Variants in RASGEF1C observed in about 807,000 individuals in gnomAD.
RASGEF1C encodes ras-GEF domain-containing family member 1C.
A neutral mutation model predicts 58.1 loss-of-function variants in RASGEF1C; 27 were observed. The ratio of observed to expected loss-of-function variants is 0.46; its 90% CI spans 0.34 to 0.64. RASGEF1C has a LOEUF of 0.64. Ranked by LOEUF, RASGEF1C falls within the 30% of genes least tolerant of loss-of-function variation. The pLI, the probability that RASGEF1C is intolerant of heterozygous loss-of-function variation, is 0.01. For missense variants in RASGEF1C, 502 were observed against 605.1 expected, an observed-to-expected ratio of 0.83 and a Z score of 1.79; for synonymous variants, 243 against 246.3, an observed-to-expected ratio of 0.99 and a Z score of 0.13.
chr5:180,169,749 C>T (rs1767073498), intron 1 of RASGEF1C, among the ~76,000 whole-genome samples: 1 of 152,114 alleles, frequency 6.6e-6, no homozygotes, highest in Non-Finnish European at 1.5e-5. Context: ...CCTGCCCTGG[C>T]CCTTCTCGTA....
In RASGEF1C at chr5:180,101,400, TAGTG is replaced by T. The variant is rs1399993825; in HGVS notation, c.*97_*100del. The T allele has an allele frequency of 3.0e-5, 41 of 1,368,572 alleles. No homozygotes were observed. Among genetic ancestry groups the T allele is most frequent in the African/African-American group, 4.4e-5 (3 of 67,974 alleles). 84.8% of individuals were successfully genotyped at this position (1,368,572 alleles called of 1,614,324 possible). On this transcript the variant is annotated 3_prime_UTR_variant, in exon 14 of 14. Transcript: ENST00000361132. ...GGCCACAGGGTCGGCATTTGCAAAA[TAGTG>T]AGGCACTCCCTGGCCTCTGCCCACT...
intron 1 of RASGEF1C, among the ~76,000 whole-genome samples, chr5:180,194,002 G>GTGTTTGTT (rs60364777): frequency 0.59 from 86,977 of 148,620 alleles, 25,845 homozygotes; most frequent in Admixed American, 0.67. Context: ...ATTCTGTATG[G>GTGTTTGTT]TGTTTGTTTG....
At chr5:180,114,589 C>G (rs547819125) in intron 10 of RASGEF1C, 48 bp from the exon 11 acceptor site, 30 of 1,556,946 alleles carry the variant, frequency 1.9e-5, no homozygotes, top group Admixed American at 7.1e-5. Context: ...CTCCACACAG[C>G]GGGCTCCAGG....
At chr5:180,146,177 C>G (rs1766658000) in intron 1 of RASGEF1C, among the ~76,000 whole-genome samples, 1 of 152,170 alleles carries the variant, frequency 6.6e-6, no homozygotes, top group South Asian at 2.1e-4. Flanking sequence ...GAGTCTGGCT[C>G]TGTCACCCAG....
At chr5:180,178,787 G>T (rs1194596790) in intron 1 of RASGEF1C, among the ~76,000 whole-genome samples, 2 of 152,238 alleles carry the variant, frequency 1.3e-5, no homozygotes, top group Non-Finnish European at 2.9e-5. Context: ...GAGACCCCGG[G>T]GCGTCACTTT....
chr5:180,206,697 A>T (rs1331126406), intron 1 of RASGEF1C, among the ~76,000 whole-genome samples: 2 of 152,230 alleles, frequency 1.3e-5, no homozygotes, highest in Non-Finnish European at 2.9e-5. Context: ...CATCCAGAGG[A>T]CATAATTTGA....
chr5:180,190,670 A>T (rs193177797), intron 1 of RASGEF1C, among the ~76,000 whole-genome samples: 19 of 151,514 alleles, frequency 1.3e-4, no homozygotes, highest in African/African-American at 4.6e-4. Context: ...CCTGTCTCAA[A>T]AATAATAATA....
intron 6 of RASGEF1C, among the ~76,000 whole-genome samples, chr5:180,122,416 G>C (rs1436435378): frequency 1.3e-5 from 2 of 152,198 alleles, no homozygotes; most frequent in Admixed American, 1.3e-4. Flanking sequence ...CCATTTAAAA[G>C]ATGAAACTTA....
At chr5:180,184,920 C>T (rs1169870664) in intron 1 of RASGEF1C, among the ~76,000 whole-genome samples, 3 of 152,256 alleles carry the variant, frequency 2.0e-5, no homozygotes, top group East Asian at 1.9e-4. Context: ...GATAGAACTG[C>T]GAGAATAAAC....
At position 180,136,384 on chromosome 5, in the gene RASGEF1C, A is replaced by G; in HGVS notation, c.432T>C (p.Cys144=). 1 of 1,555,968 alleles carries G rather than the reference A, an allele frequency of 6.4e-7. No homozygotes were observed. The highest frequency in any genetic ancestry group is 1.2e-5 in the South Asian group (1 of 84,440). The change falls in exon 4 of 14, where the codon TGT becomes TGC. Residue 144 remains cysteine (C), a synonymous_variant. Transcript: ENST00000361132. ...LKDVVGRIAP[C]DEAYRKRMHQ... ...CCCCCGCCCAGCTGCCCACCTCGTC[A>G]CAGGGGGCGATGCGGCCCACGACGT... is the stretch of plus-strand genomic sequence containing the variant.
chr5:180,184,785 T>A (rs78488757), intron 1 of RASGEF1C, among the ~76,000 whole-genome samples: 3,497 of 152,216 alleles, frequency 0.023, 90 homozygotes, highest in East Asian at 0.12. Flanking sequence ...AGATTTCAGA[T>A]CAAATAATAG....
In RASGEF1C at chr5:180,118,232, G is replaced by A. The variant is rs565581493; in HGVS notation, c.1083+377C>T. 7.2e-5 allele frequency among the ~76,000 whole-genome samples: 11 copies of A among 152,280 alleles called. No homozygotes were observed. The East Asian group carries it at 1.7e-3, about 24-fold the overall frequency. On this transcript the variant is annotated intron_variant, in intron 10 of 13. Transcript: ENST00000361132. ...ACCAAAGGGCCCCAAGTGGGGAGGA[G>A]CCTGGAAACTGTAGTGTGGCAGGGC...
chr5:180,116,263 C>T (rs1466975250), intron 10 of RASGEF1C, among the ~76,000 whole-genome samples: 1 of 152,158 alleles, frequency 6.6e-6, no homozygotes, highest in Non-Finnish European at 1.5e-5. Flanking sequence ...CAGCCCCGGT[C>T]AGCTTGGAGG....
At chr5:180,208,274 C>G (rs1368180039) in intron 1 of RASGEF1C, among the ~76,000 whole-genome samples, 2 of 152,104 alleles carry the variant, frequency 1.3e-5, no homozygotes, top group Non-Finnish European at 2.9e-5. Context: ...TCCCACAGCC[C>G]CAGGAGGCAG....
chr5:180,144,100 A>G (rs1408883904), intron 1 of RASGEF1C, among the ~76,000 whole-genome samples: 1 of 152,224 alleles, frequency 6.6e-6, no homozygotes. Flanking sequence ...AGGACCCCCA[A>G]GGCCAGCACT....
chr5:180,125,056 C>A (rs550981019), intron 6 of RASGEF1C, among the ~76,000 whole-genome samples: 12 of 152,000 alleles, frequency 7.9e-5, no homozygotes, highest in Non-Finnish European at 1.6e-4. Flanking sequence ...TCACTTGAGC[C>A]CGGGAGGTTG....
At chr5:180,120,989 C>G in intron 7 of RASGEF1C, 71 bp downstream of exon 7, 1 of 1,071,314 alleles carries the variant, frequency 9.3e-7, no homozygotes, top group Admixed American at 1.7e-5. Flanking sequence ...GGTTCCTTCC[C>G]CCGTGGGCTC....
chr5:180,133,324 GCGA>G (rs1162038284), intron 4 of RASGEF1C, among the ~76,000 whole-genome samples: 2 of 152,208 alleles, frequency 1.3e-5, no homozygotes, highest in Non-Finnish European at 2.9e-5. Flanking sequence ...GTGGAGCACA[GCGA>G]CGACATGGGA....
intron 4 of RASGEF1C, among the ~76,000 whole-genome samples, chr5:180,130,138 T>C (rs1766340505): frequency 6.6e-6 from 1 of 152,022 alleles, no homozygotes; most frequent in Admixed American, 6.5e-5. Flanking sequence ...GTTATTCTAG[T>C]GTGGGAGGAA....
Sources: gnomAD v4.1 joint callset for allele counts (sites outside exome capture counted in the v4.1 genomes callset) on GRCh38, gnomAD v4.1.1 for gene constraint, MANE v1.5 for transcripts, NCBI Gene and HGNC (gene_info 2026-07-23, HGNC 2026-07-21) for gene names.